Variants in TMEM138 observed in about 807,000 individuals in gnomAD.
The protein encoded by TMEM138 is transmembrane protein 138.
TMEM138 carries 9 observed loss-of-function variants against 18.1 expected under a neutral mutation model. That is an observed-to-expected ratio of 0.50 (90% CI 0.30 to 0.87). The LOEUF (loss-of-function observed/expected upper bound fraction) is 0.87. Ranked by LOEUF, TMEM138 falls within the 40% of genes least tolerant of loss-of-function variation. The pLI is 0.06. For missense variants in TMEM138, 189 were observed against 190.6 expected, an observed-to-expected ratio of 0.99 and a Z score of 0.05; for synonymous variants, 79 against 74.8, an observed-to-expected ratio of 1.06 and a Z score of -0.29.
chr11:61,363,901 G>A (rs1858038494), intron 1 of TMEM138: 1 of 152,634 alleles, frequency 6.6e-6, no homozygotes, highest in African/African-American at 2.4e-5. Flanking sequence ...ACCTTGTGAG[G>A]TTTAAATAAT....
downstream of TMEM138, among the ~76,000 whole-genome samples, chr11:61,371,018 C>A (rs546433457): frequency 1.3e-5 from 2 of 152,236 alleles, no homozygotes; most frequent in South Asian, 4.1e-4. Flanking sequence ...CACCGCCCCC[C>A]TCTCCCAAAT....
chr11:61,364,858 G>A, intron 2 of TMEM138: 1 of 156,748 alleles, frequency 6.4e-6, no homozygotes, highest in African/African-American at 2.5e-5. Context: ...TCATGCCACT[G>A]CACTCCAACC....
At chr11:61,372,151 G>A (rs1858357309), downstream of TMEM138, among the ~76,000 whole-genome samples, 1 of 146,132 alleles carries the variant, frequency 6.8e-6, no homozygotes, top group South Asian at 2.2e-4. Flanking sequence ...CCTCCAGCCT[G>A]GGCAACAGAG....
rs551558894 is a variant in TMEM138, at chr11:61,365,990, G to T, written c.129-55G>T. On this transcript the variant is annotated intron_variant, in intron 2 of 4. Transcript: ENST00000278826. ...TGGTGTCCCTCAGGACATAGTACCTGCTCTTGGGTCCTCACACAGGCCTTC... is the reference window on the plus strand; with the variant it reads ...TGGTGTCCCTCAGGACATAGTACCTTCTCTTGGGTCCTCACACAGGCCTTC... 9.6e-5 allele frequency: 150 copies of T among 1,568,530 alleles called. 2 individuals carry two copies. The East Asian group carries it at 3.2e-3, about 33-fold the overall frequency.
rs949515490 is a variant in TMEM138, at chr11:61,368,805, G to T, written c.*96G>T. On this transcript the variant is annotated 3_prime_UTR_variant, in exon 5 of 5. Coordinates refer to ENST00000278826, the MANE Select transcript of TMEM138 (RefSeq NM_016464.5). ...GGCCCTATGCATGGGCAAACAGCTGGACTTTCCAAGGAAGGTTCAGACTAG... is the reference window on the plus strand; with the variant it reads ...GGCCCTATGCATGGGCAAACAGCTGTACTTTCCAAGGAAGGTTCAGACTAG... 32 of 895,014 alleles carry T rather than the reference G, an allele frequency of 3.6e-5. No individual in the cohort carries two copies. The highest frequency in any genetic ancestry group is 1.0e-4 in the East Asian group (4 of 39,732). 55.4% of individuals were successfully genotyped at this position (895,014 alleles called of 1,614,324 possible).
intron 1 of TMEM138, 113 bp from the exon 2 acceptor site, chr11:61,364,139 G>A: frequency 5.9e-6 from 2 of 337,428 alleles, no homozygotes; most frequent in Non-Finnish European, 5.4e-6. Flanking sequence ...TGTTGGTTTT[G>A]TTCACTAAAG....
intron 4 of TMEM138, 40 bp from the exon 5 acceptor site, chr11:61,368,557 G>A: frequency 6.9e-7 from 1 of 1,439,202 alleles, no homozygotes; most frequent in Non-Finnish European, 9.8e-7. Context: ...ATGATACTCA[G>A]GAGCACCCCT....
chr11:61,368,712 T>C lies in TMEM138; in HGVS notation c.*3T>C. 1.2e-6 allele frequency: 2 copies of C among 1,607,934 alleles called. No homozygotes were observed. The highest frequency in any genetic ancestry group is 1.7e-6 in the Non-Finnish European group (2 of 1,174,626). ...AGTTCATGCAAGTTCGAAGGTGACC[T>C]CTTGTCACACTGATGGATACTTTTC... On this transcript the variant is annotated 3_prime_UTR_variant, in exon 5 of 5. Transcript: ENST00000278826.
Position 61,368,608 on chromosome 11 carries a change from T to C in TMEM138, c.388T>C (p.Tyr130His). The C allele has an allele frequency of 6.2e-7, 1 of 1,608,744 alleles. No homozygotes were observed. Among genetic ancestry groups the C allele is most frequent in the Non-Finnish European group, 8.5e-7 (1 of 1,175,326 alleles). Residue 130 changes from tyrosine to histidine, a missense_variant, in exon 5 of 5, where the codon TAC becomes CAC. Coordinates refer to ENST00000278826, the MANE Select transcript of TMEM138 (RefSeq NM_016464.5). Reference sequence around the variant, plus strand: ...CTTCCTCCCCACAGCAGCAGTGTTGTACTGCTACTTCTATAAACGGACAGC... The same window carrying C: ...CTTCCTCCCCACAGCAGCAGTGTTGCACTGCTACTTCTATAAACGGACAGC... ...FVFQRLAAVL[Y>H]CYFYKRTAVR...
Position 61,364,310 on chromosome 11 carries a change from T to C in TMEM138, c.-81T>C. 3 of 1,544,620 alleles carry C rather than the reference T, an allele frequency of 1.9e-6. No homozygotes were observed. The highest frequency in any genetic ancestry group is 2.6e-6 in the Non-Finnish European group (3 of 1,139,022). ...TTCAAAGGAACTAGAAGCCTCTCCCTCAGTGGTAGGGAGACAGCCAGGAGC... is the reference window on the plus strand; with the variant it reads ...TTCAAAGGAACTAGAAGCCTCTCCCCCAGTGGTAGGGAGACAGCCAGGAGC... On this transcript the variant is annotated 5_prime_UTR_variant, in exon 2 of 5. Transcript: ENST00000278826.
At position 61,366,103 on chromosome 11, in the gene TMEM138, A is replaced by C; in HGVS notation, c.187A>C (p.Thr63Pro). The change falls in exon 3 of 5, where the codon ACC (threonine) becomes CCC (proline). Residue 63 changes from threonine (T) to proline (P), a missense_variant. Thr to Pro is a conservative substitution (Grantham distance 38, BLOSUM62 -1). Transcript: ENST00000278826. ...CATCATTTTCCTCATGTTCTTCAAC[A>C]CCTTCGTCTTCCAGGCTGGCCTGGT... ...IIIIFLMFFN[T>P]FVFQAGLVNL... 1.2e-6 allele frequency: 2 copies of C among 1,614,138 alleles called. No individual in the cohort carries two copies. Among genetic ancestry groups the C allele is most frequent in the Non-Finnish European group, 8.5e-7 (1 of 1,180,018 alleles).
At chr11:61,365,925 A>T (rs2135157392) in intron 2 of TMEM138, 120 bp from the exon 3 acceptor site, 1 of 1,267,348 alleles carries the variant, frequency 7.9e-7, no homozygotes, top group East Asian at 2.6e-5. Flanking sequence ...TGAGGGTTTA[A>T]GATGTCAGAT....
In TMEM138 at chr11:61,364,043, A is replaced by C. The variant is rs1858044420; in HGVS notation, c.-139-209A>C. ...GTAATACTACTAGATTCCTTTGGTT[A>C]GAGACAGCTCTGCATTGAGAAGATT... On this transcript the variant is annotated intron_variant, in intron 1 of 4. Coordinates refer to ENST00000278826, the MANE Select transcript of TMEM138 (RefSeq NM_016464.5). 2.8e-5 allele frequency: 5 copies of C among 180,770 alleles called. No homozygotes were observed. In the South Asian group the frequency reaches 7.3e-4, roughly 27 times the overall value. The allele number at this position is 180,770 out of a possible 1,614,324, so 11.2% of individuals were successfully genotyped here.
chr11:61,366,330 C>T (rs1401343959), intron 3 of TMEM138, 114 bp downstream of exon 3: 10 of 1,224,328 alleles, frequency 8.2e-6, no homozygotes, highest in Non-Finnish European at 1.1e-5. Flanking sequence ...TCTCCTGCTT[C>T]TGCCTCCCAA....
chr11:61,367,837 C>T (rs1321256716), intron 3 of TMEM138, 86 bp from the exon 4 acceptor site: 6 of 812,916 alleles, frequency 7.4e-6, no homozygotes, highest in African/African-American at 3.4e-5. Context: ...GATTTTAAAG[C>T]AACTGGCATC....
chr11:61,368,518 G>T, intron 4 of TMEM138, 79 bp from the exon 5 acceptor site: 7 of 965,694 alleles, frequency 7.2e-6, no homozygotes, highest in Non-Finnish European at 1.1e-5. Flanking sequence ...GAGCCACCAC[G>T]CCTGGCCAGG....
At chr11:61,364,096 TC>T (rs771269226) in intron 1 of TMEM138, 155 bp from the exon 2 acceptor site, 99 of 246,756 alleles carry the variant, frequency 4.0e-4, no homozygotes, top group Non-Finnish European at 7.1e-4. Flanking sequence ...CTGGTGAAGG[TC>T]CTAGAATAAA....
At chr11:61,365,728 C>G (rs962482815) in intron 2 of TMEM138, 4 of 202,700 alleles carry the variant, frequency 2.0e-5, no homozygotes, top group African/African-American at 9.3e-5. Flanking sequence ...AACCCTGTCT[C>G]GAAAAATAAG....
chr11:61,368,111 C>T, intron 4 of TMEM138, 113 bp downstream of exon 4: 1 of 797,978 alleles, frequency 1.3e-6, no homozygotes, highest in Non-Finnish European at 2.3e-6. Context: ...ATGGTTGTGA[C>T]AGCCACACCA....
Sources: allele counts gnomAD v4.1 joint callset (sites outside exome capture counted in the v4.1 genomes callset), GRCh38; gene constraint gnomAD v4.1.1; transcripts MANE v1.5; gene names NCBI Gene and HGNC (gene_info 2026-07-23, HGNC 2026-07-21).